Variants in VIPR1 observed in about 807,000 individuals in gnomAD.
VIPR1 encodes the protein vasoactive intestinal polypeptide receptor 1.
Under a neutral mutation model 58.8 loss-of-function variants are expected in VIPR1, and 59 were observed. The observed-to-expected ratio is 1.00, with a 90% CI of 0.81 to 1.25. VIPR1 has a LOEUF of 1.25. Among genes scored for constraint, VIPR1 ranks in the 50% most tolerant of loss-of-function variants. The pLI is 0.00. For missense variants in VIPR1, 626 were observed against 602.7 expected (o/e 1.04, Z -0.40); for synonymous variants, 251 against 242.1 (o/e 1.04, Z -0.34).
intron 1 of VIPR1, among the ~76,000 whole-genome samples, chr3:42,505,761 G>A (rs944013328): frequency 5.1e-4 from 77 of 152,248 alleles, no homozygotes; most frequent in African/African-American, 1.8e-3. Flanking sequence ...CCATGGCAAT[G>A]GCTTGACCTT....
chr3:42,518,959 A>G (rs1195717127), intron 2 of VIPR1, among the ~76,000 whole-genome samples: 3 of 152,126 alleles, frequency 2.0e-5, no homozygotes, highest in African/African-American at 4.8e-5. Flanking sequence ...AGTCAAAACC[A>G]CCACTGGCAT....
At chr3:42,523,561 C>A (rs1196325648) in intron 3 of VIPR1, among the ~76,000 whole-genome samples, 1 of 151,566 alleles carries the variant, frequency 6.6e-6, no homozygotes, top group Admixed American at 6.6e-5. Flanking sequence ...ACTACCAATT[C>A]CTAGCCCTAA....
At chr3:42,512,985 CT>C in intron 1 of VIPR1, 2 of 975,648 alleles carry the variant, frequency 2.0e-6, no homozygotes, top group Non-Finnish European at 2.4e-6. Flanking sequence ...TGGCCCACCC[CT>C]GATCCCTGGC....
chr3:42,496,003 G>A (rs1272974833), intron 1 of VIPR1, among the ~76,000 whole-genome samples: 1 of 151,976 alleles, frequency 6.6e-6, no homozygotes, highest in Non-Finnish European at 1.5e-5. Flanking sequence ...AATGAGTGCT[G>A]TTTCAAGCAG....
intron 1 of VIPR1, among the ~76,000 whole-genome samples, chr3:42,510,604 G>A (rs764797204): frequency 5.3e-5 from 8 of 152,110 alleles, no homozygotes; most frequent in East Asian, 1.9e-4. Flanking sequence ...CCAGACCAGC[G>A]GTCAGAGACT....
intron 3 of VIPR1, among the ~76,000 whole-genome samples, chr3:42,523,083 G>GGC (rs1701037985): frequency 2.4e-5 from 3 of 125,154 alleles, no homozygotes; most frequent in African/African-American, 1.2e-4. Flanking sequence ...TGCATGCCCT[G>GGC]ACCCCGCCCC....
At chr3:42,513,202 C>T (rs1700445353) in intron 1 of VIPR1, 1 of 154,932 alleles carries the variant, frequency 6.5e-6, no homozygotes, top group Non-Finnish European at 1.4e-5. Flanking sequence ...GCCAGAGTCC[C>T]CTCCCTAGCC....
chr3:42,500,536 G>C (rs1007992361), upstream of VIPR1: 1 of 152,194 alleles, frequency 6.6e-6, no homozygotes, highest in Non-Finnish European at 1.5e-5. Flanking sequence ...TATGTGTTGA[G>C]GAGTGAGGGC....
At chr3:42,489,745 C>T (rs537296777) in intron 1 of VIPR1, 1 of 152,568 alleles carries the variant, frequency 6.6e-6, no homozygotes, top group East Asian at 1.9e-4. Context: ...CTTCCCCATG[C>T]ATTGGCACTC....
chr3:42,490,249 C>T (rs1465169534), intron 1 of VIPR1, among the ~76,000 whole-genome samples: 1 of 152,208 alleles, frequency 6.6e-6, no homozygotes, highest in East Asian at 1.9e-4. Flanking sequence ...GCAAAAGAAG[C>T]CAGCGGTCAA....
At chr3:42,528,414 A>G in intron 6 of VIPR1, 2 of 388,372 alleles carry the variant, frequency 5.1e-6, no homozygotes, top group Non-Finnish European at 9.5e-6. Context: ...AGCCCAGAGC[A>G]CCTGTCCCAC....
intron 3 of VIPR1, among the ~76,000 whole-genome samples, chr3:42,521,906 C>A (rs1700942876): frequency 6.6e-6 from 1 of 150,514 alleles, no homozygotes. Flanking sequence ...AGCCACCACA[C>A]CTGGCTAATT....
intron 1 of VIPR1, among the ~76,000 whole-genome samples, chr3:42,493,556 T>TC (rs1699705122): frequency 6.6e-6 from 1 of 152,124 alleles, no homozygotes; most frequent in South Asian, 2.1e-4. Flanking sequence ...GAGCTGGGCT[T>TC]CCCCAACCTA....
At chr3:42,518,855 ATG>A (rs1204265585) in intron 2 of VIPR1, among the ~76,000 whole-genome samples, 6 of 152,266 alleles carry the variant, frequency 3.9e-5, no homozygotes, top group African/African-American at 1.4e-4. Flanking sequence ...GCCATGCAGA[ATG>A]TGAGACAATT....
At chr3:42,513,897 A>G in intron 2 of VIPR1, 43 bp downstream of exon 2, 2 of 1,533,496 alleles carry the variant, frequency 1.3e-6, no homozygotes, top group Non-Finnish European at 1.8e-6. Flanking sequence ...GCCCCCAGGG[A>G]GCCCAAGATT....
chr3:42,491,581 TTTTG>T (rs1699666611), intron 1 of VIPR1, among the ~76,000 whole-genome samples: 2 of 106,682 alleles, frequency 1.9e-5, no homozygotes, highest in Admixed American at 9.9e-5. Context: ...TTTGTTTGTT[TTTTG>T]TTTGTTTGAC....
At position 42,513,732 on chromosome 3, in the gene VIPR1, C is replaced by T. The variant is rs1700475725; in HGVS notation, c.79-17C>T. ...CTATGGACGAGGCTGATGGGCCCTC[C>T]CTGTCTTTGTTCTCAGGGCGGCCAG... On this transcript the variant is annotated splice_polypyrimidine_tract_variant and intron_variant, in intron 1 of 12. Transcript: ENST00000325123. 1.3e-6 allele frequency: 2 copies of T among 1,550,988 alleles called. No homozygotes were observed. The highest frequency in any genetic ancestry group is 4.9e-5 in the East Asian group (2 of 40,914).
At position 42,537,032 on chromosome 3, in the gene VIPR1, G is replaced by A. The variant is rs1701898817; in HGVS notation, c.*751G>A. 1 of 152,200 alleles carries A rather than the reference G, an allele frequency of 6.6e-6. No homozygotes were observed. Among genetic ancestry groups the A allele is most frequent in the South Asian group, 2.1e-4 (1 of 4,830 alleles). The allele number at this position is 152,200 out of a possible 1,614,324, so 9.4% of individuals were successfully genotyped here. A position where few individuals can be genotyped will look rare whatever the true frequency, so the allele number is the denominator to read the frequency against. On this transcript the variant is annotated 3_prime_UTR_variant, in exon 13 of 13. Transcript: ENST00000325123. Reference sequence around the variant, plus strand: ...GCTAGGTCTCGGACTAAGCCTACCTGCTCTCCAAGTCTCAGTGGCTTCATC... The same window carrying A: ...GCTAGGTCTCGGACTAAGCCTACCTACTCTCCAAGTCTCAGTGGCTTCATC...
chr3:42,524,192 G>A (rs934004252), intron 3 of VIPR1, among the ~76,000 whole-genome samples: 3 of 152,180 alleles, frequency 2.0e-5, no homozygotes, highest in African/African-American at 7.2e-5. Flanking sequence ...GGGATCCAGG[G>A]CCTCAGAGCC....
Sources: gnomAD v4.1 joint callset for allele counts (sites outside exome capture counted in the v4.1 genomes callset) on GRCh38, gnomAD v4.1.1 for gene constraint, MANE v1.5 for transcripts, NCBI Gene and HGNC (gene_info 2026-07-23, HGNC 2026-07-21) for gene names.